AKR1C3: variants seen among roughly 807,000 people sequenced by gnomAD.
AKR1C3 encodes the protein 3-alpha hydroxysteroid dehydrogenase, type II.
A neutral mutation model predicts 43.6 loss-of-function variants in AKR1C3; 48 were observed. The ratio of observed to expected loss-of-function variants is 1.10; its 90% CI spans 0.87 to 1.40. The LOEUF (loss-of-function observed/expected upper bound fraction) is 1.40. AKR1C3 is among the 40% of genes most tolerant of loss of function. The pLI is 0.00. For synonymous variants in AKR1C3, 162 were observed against 139.6 expected (o/e 1.16, Z -1.13); for missense variants, 482 against 391.2 (o/e 1.23, Z -1.96).
intron 1 of AKR1C3, among the ~76,000 whole-genome samples, chr10:5,054,966 G>T (rs983669383): frequency 6.6e-6 from 1 of 152,248 alleles, no homozygotes; most frequent in Non-Finnish European, 1.5e-5. Context: ...TTTAATGGGG[G>T]TTCCCCCAGA....
intron 2 of AKR1C3, 114 bp downstream of exon 2, chr10:5,096,691 T>G: frequency 1.4e-6 from 2 of 1,474,328 alleles, no homozygotes; most frequent in Middle Eastern, 1.8e-4. Context: ...GGGTTCAAAT[T>G]TATTCACACA....
chr10:5,105,370 T>C (rs1174795793), intron 7 of AKR1C3: 2 of 352,368 alleles, frequency 5.7e-6, no homozygotes, highest in Non-Finnish European at 1.0e-5. Context: ...AAATTTTCTC[T>C]TTGTCTGCAG....
chr10:5,079,050 T>G (rs1838776019), intron 1 of AKR1C3, among the ~76,000 whole-genome samples: 1 of 152,220 alleles, frequency 6.6e-6, no homozygotes, highest in African/African-American at 2.4e-5. Flanking sequence ...ATGCTAGACC[T>G]TCCAGTAGCC....
At chr10:5,084,817 G>A (rs1464489395) in intron 1 of AKR1C3, among the ~76,000 whole-genome samples, 1 of 152,068 alleles carries the variant, frequency 6.6e-6, no homozygotes, top group African/African-American at 2.4e-5. Context: ...GGATTCCTAG[G>A]TATTTTATTC....
chr10:5,097,811 G>C, intron 3 of AKR1C3: 2 of 1,213,280 alleles, frequency 1.6e-6, no homozygotes, highest in Non-Finnish European at 2.1e-6. Context: ...TCTCTTTCAA[G>C]GCACTGTCTT....
intron 1 of AKR1C3, among the ~76,000 whole-genome samples, chr10:5,060,809 T>C (rs1838368320): frequency 6.6e-6 from 1 of 152,166 alleles, no homozygotes; most frequent in Non-Finnish European, 1.5e-5. Context: ...CATGGCGGGC[T>C]GCAGATCCTG....
chr10:5,079,912 G>A (rs539476445), intron 1 of AKR1C3, among the ~76,000 whole-genome samples: 51 of 152,290 alleles, frequency 3.3e-4, no homozygotes, highest in Non-Finnish European at 6.2e-4. Context: ...TCAGAAGGGC[G>A]AGGAAAGAAA....
In AKR1C3 at chr10:5,097,355, C is replaced by T. The variant is rs978498949; in HGVS notation, c.253-79C>T. On this transcript the variant is annotated intron_variant, in intron 2 of 8. Transcript: ENST00000380554. ...AAATTTTGAAGCAGTAGGAAAATAT[C>T]TAAATACTAGATGGCACAAAGTAAT... 2.6e-6 allele frequency: 4 copies of T among 1,526,340 alleles called. No individual in the cohort carries two copies. In the African/African-American group the frequency reaches 5.6e-5, roughly 21 times the overall value. 94.5% of individuals were successfully genotyped at this position (1,526,340 alleles called of 1,614,324 possible). A position where few individuals can be genotyped will look rare whatever the true frequency, so the allele number is the denominator to read the frequency against.
chr10:5,075,200 AT>A (rs59947954), intron 1 of AKR1C3, among the ~76,000 whole-genome samples: 28,508 of 149,062 alleles, frequency 0.19, 3,282 homozygotes, highest in East Asian at 0.55. Context: ...TCCCTCTCTC[AT>A]TTTTTTTTTA....
At position 5,102,679 on chromosome 10, in the gene AKR1C3, C is replaced by A. The variant is rs1839388240; in HGVS notation, c.846+29C>A. 4 of 1,449,820 alleles carry A rather than the reference C, an allele frequency of 2.8e-6. No individual in the cohort carries two copies. The South Asian group carries it at 5.9e-5, about 22-fold the overall frequency. 89.8% of individuals were successfully genotyped at this position (1,449,820 alleles called of 1,614,324 possible). ...AGGAGCGGGGCTGTGGGCCTCAGGT[C>A]TCCTGCACAGTGTCCTTCACACGTG... On this transcript the variant is annotated intron_variant, in intron 7 of 8. Transcript: ENST00000380554.
intron 4 of AKR1C3, 67 bp from the exon 5 acceptor site, chr10:5,099,260 T>C: frequency 1.9e-6 from 3 of 1,605,946 alleles, no homozygotes; most frequent in Non-Finnish European, 2.6e-6. Flanking sequence ...CTCACAGTTC[T>C]GTCTTGCATT....
intron 5 of AKR1C3, chr10:5,099,658 GAATCGTGTGT>G (rs1165457229): frequency 2.4e-6 from 2 of 830,852 alleles, no homozygotes; most frequent in Admixed American, 6.0e-5. Context: ...GTTTAATGCT[GAATCGTGTGT>G]AATATTTAGG....
At chr10:5,080,384 A>T (rs1417687943) in intron 1 of AKR1C3, among the ~76,000 whole-genome samples, 3 of 152,132 alleles carry the variant, frequency 2.0e-5, no homozygotes, top group Admixed American at 6.6e-5. Context: ...AGCATGTTGG[A>T]AGGCTAAGGC....
intron 1 of AKR1C3, among the ~76,000 whole-genome samples, chr10:5,061,193 A>T (rs117699616): frequency 6.6e-6 from 1 of 152,276 alleles, no homozygotes; most frequent in East Asian, 1.9e-4. Context: ...CTGCCAGCAC[A>T]CTGTCACCTC....
At chr10:5,056,502 A>G (rs1222078991) in intron 1 of AKR1C3, among the ~76,000 whole-genome samples, 2 of 152,208 alleles carry the variant, frequency 1.3e-5, no homozygotes, top group Non-Finnish European at 2.9e-5. Context: ...GGACTGCTGC[A>G]TTTCCTTACT....
At chr10:5,103,957 T>C (rs1027562598) in intron 7 of AKR1C3, among the ~76,000 whole-genome samples, 1 of 152,058 alleles carries the variant, frequency 6.6e-6, no homozygotes, top group Admixed American at 6.6e-5. Flanking sequence ...TATTATAGTT[T>C]AATAAGATAT....
At chr10:5,063,468 G>A (rs1263294085) in intron 1 of AKR1C3, among the ~76,000 whole-genome samples, 10 of 152,000 alleles carry the variant, frequency 6.6e-5, no homozygotes, top group African/African-American at 2.4e-4. Context: ...TGAATATGAA[G>A]GACAAAAAGC....
chr10:5,079,072 T>C (rs1313861632), intron 1 of AKR1C3, among the ~76,000 whole-genome samples: 2 of 152,196 alleles, frequency 1.3e-5, no homozygotes, highest in Admixed American at 6.5e-5. Flanking sequence ...GCCTGGATCA[T>C]TGTACTTGTT....
intron 1 of AKR1C3, among the ~76,000 whole-genome samples, chr10:5,052,448 AT>A (rs1271242656): frequency 6.6e-6 from 1 of 152,128 alleles, no homozygotes; most frequent in Non-Finnish European, 1.5e-5. Flanking sequence ...CATCCTGCTG[AT>A]TGTTCCATTG....
Sources: allele counts gnomAD v4.1 joint callset (sites outside exome capture counted in the v4.1 genomes callset), GRCh38; gene constraint gnomAD v4.1.1; transcripts MANE v1.5; gene names NCBI Gene and HGNC (gene_info 2026-07-23, HGNC 2026-07-21).